The following DLC1 variants were observed in gnomAD, a reference collection of about 807,000 sequenced individuals.
DLC1 encodes rho GTPase-activating protein 7.
DLC1 carries 54 observed loss-of-function variants against 140.3 expected under a neutral mutation model. That is an observed-to-expected ratio of 0.38 (90% CI 0.31 to 0.48). DLC1 has a LOEUF of 0.48. Ranked by LOEUF, DLC1 falls within the 20% of genes least tolerant of loss-of-function variation. The probability of loss-of-function intolerance (pLI) is 0.96; values close to 1 mark genes in which losing one functional copy is unlikely to be tolerated. For missense variants in DLC1, 2,536 were observed against 1,907.0 expected (o/e 1.33, Z -6.14); for synonymous variants, 986 against 728.1 (o/e 1.35, Z -5.70).
intron 2 of DLC1, among the ~76,000 whole-genome samples, chr8:13,442,437 AT>A (rs1227026053): frequency 1.3e-5 from 2 of 152,142 alleles, no homozygotes; most frequent in Non-Finnish European, 2.9e-5. Flanking sequence ...ATGGGAGAAA[AT>A]TTTTGCAATC....
chr8:13,164,316 A>C (rs557192857), intron 5 of DLC1, among the ~76,000 whole-genome samples: 1 of 147,238 alleles, frequency 6.8e-6, no homozygotes, highest in Non-Finnish European at 1.5e-5. Context: ...AAATCTCTAT[A>C]TCTATCTATC....
intron 4 of DLC1, among the ~76,000 whole-genome samples, chr8:13,336,075 G>A (rs1833801008): frequency 6.6e-6 from 1 of 152,042 alleles, no homozygotes; most frequent in Non-Finnish European, 1.5e-5. Context: ...CTGGGCAGAA[G>A]GCATATTTCT....
chr8:13,506,189 A>G (rs931674183), intron 1 of DLC1, among the ~76,000 whole-genome samples: 1 of 152,210 alleles, frequency 6.6e-6, no homozygotes, highest in East Asian at 1.9e-4. Context: ...ACACATATGT[A>G]TACAAATACA....
At chr8:13,439,291 T>A (rs1054551748) in intron 2 of DLC1, among the ~76,000 whole-genome samples, 1 of 151,894 alleles carries the variant, frequency 6.6e-6, no homozygotes, top group Non-Finnish European at 1.5e-5. Context: ...GCCACTGCAC[T>A]CCAGTCTGGG....
chr8:13,336,755 T>A (rs1283091716), intron 4 of DLC1, among the ~76,000 whole-genome samples: 1 of 152,222 alleles, frequency 6.6e-6, no homozygotes. Flanking sequence ...AAAATAGTGT[T>A]AATTAATCAA....
At chr8:13,375,201 G>A (rs1322896855) in intron 4 of DLC1, among the ~76,000 whole-genome samples, 1 of 151,976 alleles carries the variant, frequency 6.6e-6, no homozygotes, top group Non-Finnish European at 1.5e-5. Flanking sequence ...CTAAATTTTT[G>A]TATTTTTAGT....
intron 5 of DLC1, among the ~76,000 whole-genome samples, chr8:13,265,412 T>A (rs928204797): frequency 6.6e-6 from 1 of 152,174 alleles, no homozygotes; most frequent in African/African-American, 2.4e-5. Flanking sequence ...TAGAGATTAA[T>A]GAGCATGGAA....
intron 5 of DLC1, among the ~76,000 whole-genome samples, chr8:13,190,357 G>A (rs1471480255): frequency 6.6e-6 from 1 of 152,028 alleles, no homozygotes; most frequent in Admixed American, 6.5e-5. Flanking sequence ...TGTGGTCCCT[G>A]TTTCCCTTTC....
At chr8:13,259,291 C>G (rs1313032260) in intron 5 of DLC1, among the ~76,000 whole-genome samples, 1 of 152,064 alleles carries the variant, frequency 6.6e-6, no homozygotes, top group Non-Finnish European at 1.5e-5. Flanking sequence ...ATTATAAATG[C>G]AAAATTTCCC....
chr8:13,330,195 C>T (rs1343551139), intron 4 of DLC1, among the ~76,000 whole-genome samples: 1 of 152,052 alleles, frequency 6.6e-6, no homozygotes, highest in Non-Finnish European at 1.5e-5. Flanking sequence ...CAACTGATCC[C>T]CCTTTCTCGG....
chr8:13,141,970 G>A (rs1369555732), intron 5 of DLC1, among the ~76,000 whole-genome samples: 1 of 152,156 alleles, frequency 6.6e-6, no homozygotes, highest in East Asian at 1.9e-4. Flanking sequence ...ATTTAGGGAG[G>A]CACCTACTGG....
intron 2 of DLC1, among the ~76,000 whole-genome samples, chr8:13,493,262 C>A (rs1439130093): frequency 6.6e-6 from 1 of 152,166 alleles, no homozygotes; most frequent in African/African-American, 2.4e-5. Context: ...TACATTCCTT[C>A]CCTCCTTGTC....
chr8:13,131,369 C>G (rs922784533), intron 5 of DLC1, among the ~76,000 whole-genome samples: 12 of 152,174 alleles, frequency 7.9e-5, no homozygotes, highest in African/African-American at 2.9e-4. Context: ...TAATCTGAGA[C>G]TCAGTATTCT....
chr8:13,500,100 G>C lies in DLC1; in HGVS notation c.-29C>G. ...ATCGTAGTTTAACAACAGACAGAGA[G>C]ATATATTCCATATGAGGGTAAAGGA... On this transcript the variant is annotated 5_prime_UTR_variant, in exon 2 of 18. The change creates a new upstream start codon in the 5' untranslated region. Transcript: ENST00000276297. 6.3e-7 allele frequency: 1 copy of C among 1,575,194 alleles called. No homozygotes were observed. Among genetic ancestry groups the C allele is most frequent in the Non-Finnish European group, 8.7e-7 (1 of 1,150,178 alleles).
At chr8:13,211,394 A>C (rs77105618) in intron 5 of DLC1, among the ~76,000 whole-genome samples, 1 of 151,848 alleles carries the variant, frequency 6.6e-6, no homozygotes, top group Admixed American at 6.6e-5. Context: ...TGCTCTGTCT[A>C]TGGAACACCG....
At chr8:13,539,097 C>A (rs997342435) in intron 1 of DLC1, among the ~76,000 whole-genome samples, 2 of 152,072 alleles carry the variant, frequency 1.3e-5, no homozygotes, top group Admixed American at 6.5e-5. Context: ...ATTCTCCTAT[C>A]ACATTTGGTC....
At chr8:13,142,184 T>C (rs4425752) in intron 5 of DLC1, among the ~76,000 whole-genome samples, 94,343 of 152,120 alleles carry the variant, frequency 0.62, 30,164 homozygotes, top group East Asian at 0.88. Context: ...TCCCCAGCGG[T>C]GGCGAACTGT....
Position 13,100,640 on chromosome 8 carries a change from G to T in DLC1, c.1697C>A (p.Ser566Tyr), listed in dbSNP as rs149628772. 6.5e-4 allele frequency: 1,054 copies of T among 1,614,006 alleles called. No individual in the cohort carries two copies. The highest frequency in any genetic ancestry group is 8.7e-4 in the Non-Finnish European group (1,023 of 1,180,020). ...FSPKQDLVPG[S>Y]PDDSHPKDGP... Reference sequence around the variant, plus strand: ...GTCCTTCGGGTGGGAGTCGTCTGGGGACCCAGGGACCAGGTCTTGTTTTGG... The same window carrying T: ...GTCCTTCGGGTGGGAGTCGTCTGGGTACCCAGGGACCAGGTCTTGTTTTGG... Residue 566 changes from serine to tyrosine, a missense_variant, in exon 9 of 18, where the codon TCC becomes TAC. Physicochemically the swap from Ser to Tyr is moderately radical, Grantham distance 144. Coordinates refer to ENST00000276297, the MANE Select transcript of DLC1 (RefSeq NM_182643.3).
At chr8:13,349,810 C>T (rs928123107) in intron 4 of DLC1, among the ~76,000 whole-genome samples, 3 of 152,070 alleles carry the variant, frequency 2.0e-5, no homozygotes, top group Non-Finnish European at 4.4e-5. Flanking sequence ...AGAAAAGGGG[C>T]AAGTATCTTG....
Sources: allele counts gnomAD v4.1 joint callset (sites outside exome capture counted in the v4.1 genomes callset), GRCh38; gene constraint gnomAD v4.1.1; transcripts MANE v1.5; gene names NCBI Gene and HGNC (gene_info 2026-07-23, HGNC 2026-07-21).